Variants in CAMK1D observed in about 807,000 individuals in gnomAD.
CAMK1D encodes calcium/calmodulin-dependent protein kinase type 1D.
CAMK1D carries 9 observed loss-of-function variants against 47.7 expected under a neutral mutation model. The ratio of observed to expected loss-of-function variants is 0.19; its 90% CI spans 0.11 to 0.33. The LOEUF is 0.33. CAMK1D is among the 10% of genes least tolerant of loss of function. The pLI, the probability that CAMK1D is intolerant of heterozygous loss-of-function variation, is 1.00. For missense variants in CAMK1D, 291 were observed against 488.7 expected (o/e 0.60, Z 3.81); for synonymous variants, 184 against 184.9 (o/e 0.99, Z 0.04).
intron 3 of CAMK1D, among the ~76,000 whole-genome samples, chr10:12,690,941 G>T (rs1259299348): frequency 1.3e-5 from 2 of 152,120 alleles, no homozygotes; most frequent in African/African-American, 4.8e-5. Context: ...TGGCCACTAG[G>T]TGTTGTTTTT....
intron 3 of CAMK1D, among the ~76,000 whole-genome samples, chr10:12,673,906 T>A (rs1057433485): frequency 6.6e-6 from 1 of 152,174 alleles, no homozygotes; most frequent in Non-Finnish European, 1.5e-5. Flanking sequence ...CAAGGCTCAG[T>A]GGTTTACGCT....
intron 10 of CAMK1D, 142 bp downstream of exon 10, chr10:12,825,832 CT>C: frequency 2.1e-6 from 3 of 1,404,090 alleles, no homozygotes; most frequent in Non-Finnish European, 2.9e-6. Context: ...GACCCTAGGA[CT>C]TTTTTTAACA....
At chr10:12,592,038 CT>C (rs55931043) in intron 2 of CAMK1D, among the ~76,000 whole-genome samples, 18,136 of 152,164 alleles carry the variant, frequency 0.12, 1,163 homozygotes, top group South Asian at 0.23. Context: ...TTTGTCTTTT[CT>C]TATTTCAAAA....
intron 2 of CAMK1D, among the ~76,000 whole-genome samples, chr10:12,559,474 G>A (rs12773063): frequency 1.6e-4 from 24 of 151,936 alleles, no homozygotes; most frequent in African/African-American, 5.3e-4. Context: ...GCCCTTGTCC[G>A]CTGATTTCAC....
intron 1 of CAMK1D, among the ~76,000 whole-genome samples, chr10:12,498,929 T>C (rs2132135637): frequency 6.6e-6 from 1 of 152,298 alleles, no homozygotes; most frequent in East Asian, 1.9e-4. Flanking sequence ...CCATAGAATG[T>C]CATCTAATTA....
intron 3 of CAMK1D, among the ~76,000 whole-genome samples, chr10:12,701,008 G>C (rs917498552): frequency 2.0e-5 from 3 of 152,178 alleles, no homozygotes; most frequent in African/African-American, 7.2e-5. Context: ...GAGTGAAATG[G>C]TGAGAAGGGG....
intron 3 of CAMK1D, among the ~76,000 whole-genome samples, chr10:12,721,511 ACCATCCATCCAT>A (rs62870361): frequency 3.3e-5 from 5 of 150,646 alleles, no homozygotes; most frequent in East Asian, 3.9e-4. Flanking sequence ...GCTACCATCC[ACCATCCATCCAT>A]CCATCCATCC....
intron 1 of CAMK1D, among the ~76,000 whole-genome samples, chr10:12,423,662 A>G (rs1222201007): frequency 6.6e-6 from 1 of 152,186 alleles, no homozygotes; most frequent in Non-Finnish European, 1.5e-5. Context: ...AGCGGCAGAA[A>G]TTCAGTCTTC....
chr10:12,789,201 A>T (rs141203856), intron 5 of CAMK1D, among the ~76,000 whole-genome samples: 129 of 152,142 alleles, frequency 8.5e-4, no homozygotes, highest in Non-Finnish European at 1.8e-3. Flanking sequence ...TTAAAACATT[A>T]TGAGATTTTT....
At position 12,735,783 on chromosome 10, in the gene CAMK1D, CTT is replaced by C. The variant is rs11373540; in HGVS notation, c.300-25153_300-25152del. 5.6e-3 allele frequency among the ~76,000 whole-genome samples: 833 copies of C among 147,572 alleles called. 10 individuals are homozygous for C. The highest frequency in any genetic ancestry group is 0.019 in the African/African-American group (753 of 40,390). Reference sequence around the variant, plus strand: ...AGTTATGGGGTGGCACAGTCAGCATCTTTTTTTTTTTTTAAGAAATAAGAAAT... The same window carrying C: ...AGTTATGGGGTGGCACAGTCAGCATCTTTTTTTTTTTAAGAAATAAGAAAT... On this transcript the variant is annotated intron_variant, in intron 3 of 10. Coordinates refer to ENST00000619168, the MANE Select transcript of CAMK1D (RefSeq NM_153498.4).
At chr10:12,738,598 T>G (rs942075980) in intron 3 of CAMK1D, among the ~76,000 whole-genome samples, 1 of 151,752 alleles carries the variant, frequency 6.6e-6, no homozygotes, top group Non-Finnish European at 1.5e-5. Flanking sequence ...TTTGGGAGGC[T>G]GAGGCGGGCG....
At chr10:12,751,101 GATAAGATAAGATA>G (rs1835947739) in intron 3 of CAMK1D, among the ~76,000 whole-genome samples, 1 of 90,032 alleles carries the variant, frequency 1.1e-5, no homozygotes, top group Admixed American at 1.0e-4. Flanking sequence ...GATAAGATAA[GATAAGATAAGATA>G]AGATAAGATA....
chr10:12,493,608 C>T (rs1834453282), intron 1 of CAMK1D, among the ~76,000 whole-genome samples: 1 of 152,160 alleles, frequency 6.6e-6, no homozygotes, highest in South Asian at 2.1e-4. Context: ...ATTCTGCTCC[C>T]TCAGCCTCTC....
At chr10:12,704,132 T>A (rs912200122) in intron 3 of CAMK1D, among the ~76,000 whole-genome samples, 5 of 152,200 alleles carry the variant, frequency 3.3e-5, no homozygotes, top group African/African-American at 1.2e-4. Context: ...TATTAACTCT[T>A]ACTGCAGGTG....
rs116746623 is a variant in CAMK1D, at chr10:12,358,177, A to T, written c.92+8267A>T. On this transcript the variant is annotated intron_variant, in intron 1 of 10. Transcript: ENST00000619168. ...GAGGTTGAGGCTGCAGTGAGCTATG[A>T]TGGTACCACTACACCCCAGCCTGGG... is the stretch of plus-strand genomic sequence containing the variant. Among the ~76,000 whole-genome samples the T allele has an allele frequency of 1.4e-3, 212 of 152,196 alleles. 1 individual carries two copies. The highest frequency in any genetic ancestry group is 4.7e-3 in the African/African-American group (195 of 41,538).
At chr10:12,482,071 C>T (rs1047254880) in intron 1 of CAMK1D, among the ~76,000 whole-genome samples, 1 of 152,212 alleles carries the variant, frequency 6.6e-6, no homozygotes, top group African/African-American at 2.4e-5. Context: ...AATGTGTTTC[C>T]CTTGAGGGGG....
At chr10:12,366,484 A>G (rs899459500) in intron 1 of CAMK1D, among the ~76,000 whole-genome samples, 4 of 147,162 alleles carry the variant, frequency 2.7e-5, no homozygotes, top group Admixed American at 2.1e-4. Context: ...GTGAAACCCC[A>G]TGTCTACTAA....
At chr10:12,625,666 G>A (rs1005622444) in intron 2 of CAMK1D, among the ~76,000 whole-genome samples, 4 of 147,810 alleles carry the variant, frequency 2.7e-5, no homozygotes, top group African/African-American at 7.6e-5. Flanking sequence ...ATGGTGTGTG[G>A]TTTGCCTCAG....
intron 6 of CAMK1D, among the ~76,000 whole-genome samples, chr10:12,812,396 A>T (rs1005597873): frequency 6.6e-6 from 1 of 152,104 alleles, no homozygotes; most frequent in African/African-American, 2.4e-5. Context: ...AGGGTGGATC[A>T]CCTGAGGTCA....
Sources: gnomAD v4.1 joint callset for allele counts (sites outside exome capture counted in the v4.1 genomes callset) on GRCh38, gnomAD v4.1.1 for gene constraint, MANE v1.5 for transcripts, NCBI Gene and HGNC (gene_info 2026-07-23, HGNC 2026-07-21) for gene names.